Variants in SCUBE2 observed in about 807,000 individuals in gnomAD.
The protein encoded by SCUBE2 is signal peptide, CUB domain and EGF like domain containing 2, also known as signal peptide, CUB and EGF-like domain-containing protein 2.
In SCUBE2, 114 loss-of-function variants were observed where a neutral mutation model predicts 125.9. That is an observed-to-expected ratio of 0.91 (90% CI 0.78 to 1.06). The LOEUF (loss-of-function observed/expected upper bound fraction) is 1.06, where lower values mean the gene tolerates loss of function less well. Ranked by LOEUF, SCUBE2 falls within the 50% of genes least tolerant of loss-of-function variation. The pLI, the probability that SCUBE2 is intolerant of heterozygous loss-of-function variation, is 0.00. For missense variants in SCUBE2, 1,255 were observed against 1,301.8 expected, an observed-to-expected ratio of 0.96 and a Z score of 0.55; for synonymous variants, 459 against 492.9, an observed-to-expected ratio of 0.93 and a Z score of 0.91.
intron 18 of SCUBE2, among the ~76,000 whole-genome samples, chr11:9,030,505 G>A (rs1022346722): frequency 5.9e-5 from 9 of 152,160 alleles, no homozygotes; most frequent in East Asian, 1.9e-4. Context: ...GGGAACCTGT[G>A]TACCAACTGG....
intron 2 of SCUBE2, among the ~76,000 whole-genome samples, chr11:9,084,044 T>C (rs556091787): frequency 5.3e-5 from 8 of 152,328 alleles, no homozygotes; most frequent in Admixed American, 1.3e-4. Flanking sequence ...TCTTGGTTTC[T>C]ATAGACCACT....
chr11:9,053,890 C>T, intron 10 of SCUBE2, 131 bp from the exon 11 acceptor site: 1 of 1,118,308 alleles, frequency 8.9e-7, no homozygotes, highest in Non-Finnish European at 1.3e-6. Flanking sequence ...ACACTGAATG[C>T]CTTTAGCATG....
Position 9,047,411 on chromosome 11 carries a change from A to T in SCUBE2, c.1947T>A (p.Ser649=), listed in dbSNP as rs775212745. ...CTCCACAGGACTCTGCCTGGCGTTC[A>T]GATGTTCTGGGAGGCTTTTTAGCCA... ...LDVAKKPPRT[S]ERQAESCGVG... Residue 649 remains serine, a synonymous_variant, in exon 16 of 23, where the codon TCT becomes TCA. Coordinates refer to ENST00000649792, the MANE Select transcript of SCUBE2 (RefSeq NM_001367977.2). 1.2e-6 allele frequency: 2 copies of T among 1,614,144 alleles called. No homozygotes were observed. Among genetic ancestry groups the T allele is most frequent in the Non-Finnish European group, 1.7e-6 (2 of 1,180,028 alleles).
rs1406877459 is a variant in SCUBE2 at position 9,025,741 on chromosome 11, T to C, written c.2815A>G (p.Ser939Gly). 2 of 1,614,238 alleles carry C rather than the reference T, an allele frequency of 1.2e-6. No individual in the cohort carries two copies. Among genetic ancestry groups the C allele is most frequent in the African/African-American group, 1.3e-5 (1 of 75,076 alleles). Residue 939 changes from serine to glycine, a missense_variant, in exon 21 of 23, where the codon AGC becomes GGC. Physicochemically the swap from Ser to Gly is moderately conservative, Grantham distance 56 (BLOSUM62 0). Coordinates refer to ENST00000649792, the MANE Select transcript of SCUBE2 (RefSeq NM_001367977.2). ...WIQFKSNEGN[S>G]ARGFQVPYVT... ...TATGGGACCTGGAACCCTCTAGCGC[T>C]GTTCCCTTCATTGGACTTGAACTGA...
chr11:9,088,690 C>T (rs1376820324), intron 2 of SCUBE2, among the ~76,000 whole-genome samples: 1 of 152,198 alleles, frequency 6.6e-6, no homozygotes, highest in African/African-American at 2.4e-5. Context: ...CACCAACATA[C>T]TTGTCAAGGT....
intron 8 of SCUBE2, chr11:9,059,674 G>A (rs1490446907): frequency 4.3e-5 from 21 of 485,762 alleles, no homozygotes; most frequent in Non-Finnish European, 7.3e-5. Flanking sequence ...TGGCATTAAG[G>A]AAACAAACTC....
chr11:9,086,470 T>C (rs551894181), intron 2 of SCUBE2, among the ~76,000 whole-genome samples: 5 of 152,236 alleles, frequency 3.3e-5, no homozygotes, highest in Admixed American at 1.3e-4. Context: ...TCTACATCTT[T>C]GAATCCTTGC....
chr11:9,083,594 A>C (rs1373577853), intron 2 of SCUBE2, among the ~76,000 whole-genome samples: 1 of 150,246 alleles, frequency 6.7e-6, no homozygotes, highest in Non-Finnish European at 1.5e-5. Context: ...TCACTCTGTC[A>C]CCCAGGCTGG....
intron 16 of SCUBE2, among the ~76,000 whole-genome samples, 165 bp from the exon 17 acceptor site, chr11:9,033,961 C>T (rs1856543113): frequency 6.6e-6 from 1 of 152,184 alleles, no homozygotes; most frequent in South Asian, 2.1e-4. Flanking sequence ...CTGCACACCT[C>T]TGCACAGCTT....
chr11:9,082,176 T>C (rs1404838344), intron 2 of SCUBE2, among the ~76,000 whole-genome samples: 1 of 152,332 alleles, frequency 6.6e-6, no homozygotes, highest in South Asian at 2.1e-4. Flanking sequence ...CACTTTTTAA[T>C]TGCGTTATTT....
chr11:9,031,685 AAGTT>A (rs1856318601), intron 17 of SCUBE2, among the ~76,000 whole-genome samples: 1 of 152,194 alleles, frequency 6.6e-6, no homozygotes, highest in African/African-American at 2.4e-5. Flanking sequence ...AATATTTACT[AAGTT>A]AGATCTTACA....
intron 7 of SCUBE2, among the ~76,000 whole-genome samples, chr11:9,063,916 G>A (rs1859933784): frequency 6.6e-6 from 1 of 152,152 alleles, no homozygotes; most frequent in African/African-American, 2.4e-5. Flanking sequence ...ATTGGTAAGA[G>A]GTACTTAGAA....
At chr11:9,038,809 T>C (rs968287001) in intron 16 of SCUBE2, among the ~76,000 whole-genome samples, 6 of 152,220 alleles carry the variant, frequency 3.9e-5, no homozygotes, top group Non-Finnish European at 7.3e-5. Context: ...GTAAGGAAAT[T>C]AGACCTTACC....
At chr11:9,050,772 G>T in intron 13 of SCUBE2, 62 bp from the exon 14 acceptor site, 1 of 1,304,744 alleles carries the variant, frequency 7.7e-7, no homozygotes, top group Non-Finnish European at 1.1e-6. Flanking sequence ...GACACCAGAT[G>T]GGAAGCAGCA....
chr11:9,048,763 A>G (rs1858048872), intron 14 of SCUBE2, among the ~76,000 whole-genome samples: 1 of 152,144 alleles, frequency 6.6e-6, no homozygotes, highest in African/African-American at 2.4e-5. Flanking sequence ...CATGGTTTCC[A>G]GTGAATCTGT....
intron 7 of SCUBE2, 84 bp from the exon 8 acceptor site, chr11:9,060,608 G>T: frequency 8.9e-7 from 1 of 1,127,830 alleles, no homozygotes; most frequent in Non-Finnish European, 1.3e-6. Flanking sequence ...CAAGAAGCAT[G>T]GTGGGGTACT....
At chr11:9,041,675 A>T (rs2135310206) in intron 16 of SCUBE2, among the ~76,000 whole-genome samples, 1 of 152,298 alleles carries the variant, frequency 6.6e-6, no homozygotes, top group African/African-American at 2.4e-5. Context: ...TGAAAATCAG[A>T]CTGAAGAGAA....
At chr11:9,039,755 A>C (rs940532883) in intron 16 of SCUBE2, among the ~76,000 whole-genome samples, 4 of 152,274 alleles carry the variant, frequency 2.6e-5, no homozygotes, top group African/African-American at 9.6e-5. Context: ...ACATGTGAGG[A>C]GCCAGGGTCG....
chr11:9,021,074 C>T lies in SCUBE2; in HGVS notation c.3058G>A (p.Val1020Met). The change falls in exon 23 of 23, where the codon GTG (valine) becomes ATG (methionine). Residue 1020 changes from valine (V) to methionine (M), a missense_variant. By Grantham distance (21) the Val-to-Met change is conservative. Transcript: ENST00000649792. ...RSFIRLLRSK[V>M]SRFLRPYK Reference sequence around the variant, plus strand: ...TTGTAAGGTCTCAAAAACCTGGACACTTTGGAACGTAGCAATCGGATGAAC... The same window carrying T: ...TTGTAAGGTCTCAAAAACCTGGACATTTTGGAACGTAGCAATCGGATGAAC... 1 of 1,613,722 alleles carries T rather than the reference C, an allele frequency of 6.2e-7. No homozygotes were observed. Among genetic ancestry groups the T allele is most frequent in the Middle Eastern group, 1.6e-4 (1 of 6,062 alleles).
Sources: gnomAD v4.1 joint callset for allele counts (sites outside exome capture counted in the v4.1 genomes callset) on GRCh38, gnomAD v4.1.1 for gene constraint, MANE v1.5 for transcripts, NCBI Gene and HGNC (gene_info 2026-07-23, HGNC 2026-07-21) for gene names.